PLCL2: variants seen among roughly 807,000 people sequenced by gnomAD.
PLCL2 encodes inactive phospholipase C-like protein 2.
PLCL2 carries 4 observed loss-of-function variants against 79.6 expected under a neutral mutation model. The observed-to-expected ratio is 0.05, with a 90% CI of 0.02 to 0.11. The LOEUF (loss-of-function observed/expected upper bound fraction) is 0.11. Among genes scored for constraint, PLCL2 ranks in the 10% least tolerant of loss-of-function variants. The probability of loss-of-function intolerance (pLI) is 1.00; values close to 1 mark genes in which losing one functional copy is unlikely to be tolerated. For missense variants in PLCL2, 895 were observed against 1,291.0 expected, an observed-to-expected ratio of 0.69 and a Z score of 4.70; for synonymous variants, 484 against 457.7, an observed-to-expected ratio of 1.06 and a Z score of -0.73.
At chr3:16,931,296 C>T (rs1309414695) in intron 1 of PLCL2, among the ~76,000 whole-genome samples, 1 of 151,964 alleles carries the variant, frequency 6.6e-6, no homozygotes, top group Middle Eastern at 3.2e-3. Context: ...CATATGTAAG[C>T]ACAAAAGCTA....
chr3:17,075,453 G>A lies in PLCL2; in HGVS notation c.3204+7388G>A, dbSNP rs550579965. 5.7e-4 allele frequency among the ~76,000 whole-genome samples: 86 copies of A among 150,748 alleles called. 2 individuals carry two copies. The highest frequency in any genetic ancestry group is 1.3e-4 in the Non-Finnish European group (9 of 67,890). ...TTGAAATATTGCAAGAATTACCAAA[G>A]AGTGACACAGAAACACAAAGTGAAC... On this transcript the variant is annotated intron_variant, in intron 5 of 5. Transcript: ENST00000615277.
At chr3:16,934,414 G>A (rs982093571) in intron 1 of PLCL2, among the ~76,000 whole-genome samples, 3 of 152,174 alleles carry the variant, frequency 2.0e-5, no homozygotes, top group Admixed American at 6.5e-5. Context: ...TGTGTTCTAG[G>A]AGAGGGAACA....
chr3:17,078,481 G>T (rs1352227678), intron 5 of PLCL2, among the ~76,000 whole-genome samples: 1 of 151,544 alleles, frequency 6.6e-6, no homozygotes, highest in Admixed American at 6.6e-5. Flanking sequence ...CATCTATATC[G>T]TATCTTGGAC....
chr3:16,922,998 T>G (rs979625293), intron 1 of PLCL2, among the ~76,000 whole-genome samples: 1 of 152,158 alleles, frequency 6.6e-6, no homozygotes, highest in African/African-American at 2.4e-5. Context: ...TAATACATAT[T>G]TAAAATATAG....
intron 1 of PLCL2, among the ~76,000 whole-genome samples, chr3:16,996,481 T>C (rs953434714): frequency 2.0e-5 from 3 of 152,102 alleles, no homozygotes; most frequent in African/African-American, 7.2e-5. Flanking sequence ...GTTGAATACA[T>C]AGTAACTGTG....
chr3:16,946,006 G>A (rs1433423730), intron 1 of PLCL2, among the ~76,000 whole-genome samples: 1 of 152,116 alleles, frequency 6.6e-6, no homozygotes, highest in Non-Finnish European at 1.5e-5. Context: ...ACAGATGCCT[G>A]TTACTAAAAA....
At chr3:17,043,035 A>T in intron 4 of PLCL2, 86 bp downstream of exon 4, 1 of 840,106 alleles carries the variant, frequency 1.2e-6, no homozygotes, top group Non-Finnish European at 2.0e-6. Context: ...TTTGGATGCT[A>T]TATCAAGAAA....
chr3:16,905,762 C>G (rs1696735575), intron 1 of PLCL2, among the ~76,000 whole-genome samples: 3 of 152,232 alleles, frequency 2.0e-5, no homozygotes, highest in Admixed American at 2.0e-4. Context: ...AGCTCTAGCT[C>G]ACTGTTTAGA....
intron 5 of PLCL2, among the ~76,000 whole-genome samples, chr3:17,086,755 A>C (rs894094198): frequency 6.6e-6 from 1 of 152,206 alleles, no homozygotes; most frequent in African/African-American, 2.4e-5. Flanking sequence ...ACCTGATTAA[A>C]AACTGGGCAA....
chr3:16,889,227 A>G (rs150933534), intron 1 of PLCL2, among the ~76,000 whole-genome samples: 2 of 152,234 alleles, frequency 1.3e-5, no homozygotes, highest in African/African-American at 4.8e-5. Flanking sequence ...CAGAGTTCAG[A>G]GAGGTTAACC....
chr3:16,918,688 G>A (rs1280049083), intron 1 of PLCL2, among the ~76,000 whole-genome samples: 1 of 152,136 alleles, frequency 6.6e-6, no homozygotes, highest in Non-Finnish European at 1.5e-5. Flanking sequence ...GAAGGAAAAA[G>A]GCTAAGCCAG....
chr3:16,962,044 A>G (rs1018185363), intron 1 of PLCL2, among the ~76,000 whole-genome samples: 1 of 152,162 alleles, frequency 6.6e-6, no homozygotes. Flanking sequence ...GAAAGATCCA[A>G]TATCCACAGG....
chr3:17,020,750 A>G lies in PLCL2; in HGVS notation c.3018+5839A>G, dbSNP rs370221836. Among the ~76,000 whole-genome samples, 10 of 152,294 alleles carry G rather than the reference A, an allele frequency of 6.6e-5. No homozygotes were observed. In the East Asian group the frequency reaches 1.5e-3, roughly 24 times the overall value. On this transcript the variant is annotated intron_variant, in intron 3 of 5. Coordinates refer to ENST00000615277, the MANE Select transcript of PLCL2 (RefSeq NM_001144382.2). ...GTTGCTGAGTAGTCTCTTCTAACAC[A>G]TGACTTTAAATATTTCTTAAATAAA... is the stretch of plus-strand genomic sequence containing the variant.
At chr3:17,007,250 G>A (rs376840859) in intron 1 of PLCL2, among the ~76,000 whole-genome samples, 2 of 152,072 alleles carry the variant, frequency 1.3e-5, no homozygotes, top group African/African-American at 4.8e-5. Flanking sequence ...TCAGGAGATC[G>A]AGACCATCCT....
intron 1 of PLCL2, among the ~76,000 whole-genome samples, chr3:16,902,774 C>A (rs958464706): frequency 3.4e-5 from 5 of 147,014 alleles, no homozygotes; most frequent in Non-Finnish European, 5.9e-5. Flanking sequence ...TTATAGTGAG[C>A]TGAGATCATG....
At chr3:16,947,195 C>T (rs893374583) in intron 1 of PLCL2, among the ~76,000 whole-genome samples, 2 of 152,024 alleles carry the variant, frequency 1.3e-5, no homozygotes, top group African/African-American at 4.8e-5. Flanking sequence ...AGCGATCCTC[C>T]TACCACAGCC....
chr3:17,076,627 T>C (rs2065110559), intron 5 of PLCL2, among the ~76,000 whole-genome samples: 1 of 152,006 alleles, frequency 6.6e-6, no homozygotes, highest in Non-Finnish European at 1.5e-5. Flanking sequence ...CTCAGCCTCC[T>C]GAGTAGCTGG....
intron 5 of PLCL2, among the ~76,000 whole-genome samples, chr3:17,082,386 C>T (rs2065172215): frequency 6.6e-6 from 1 of 152,010 alleles, no homozygotes; most frequent in Non-Finnish European, 1.5e-5. Flanking sequence ...CCCGCCTCGG[C>T]CTCCCAAAGT....
chr3:16,921,569 A>G (rs1697125002), intron 1 of PLCL2, among the ~76,000 whole-genome samples: 2 of 152,214 alleles, frequency 1.3e-5, no homozygotes, highest in African/African-American at 4.8e-5. Flanking sequence ...AGCATTCTTC[A>G]AAAGCTAGGT....
Sources: gnomAD v4.1 joint callset for allele counts (sites outside exome capture counted in the v4.1 genomes callset) on GRCh38, gnomAD v4.1.1 for gene constraint, MANE v1.5 for transcripts, NCBI Gene and HGNC (gene_info 2026-07-23, HGNC 2026-07-21) for gene names.